SCUBE1: variants seen among roughly 807,000 people sequenced by gnomAD.
The protein encoded by SCUBE1 is signal peptide, CUB domain and EGF like domain containing 1.
Under a neutral mutation model 124.4 loss-of-function variants are expected in SCUBE1, and 59 were observed. The observed-to-expected ratio is 0.47, with a 90% CI of 0.38 to 0.59. The LOEUF (loss-of-function observed/expected upper bound fraction) is 0.59, where lower values mean the gene tolerates loss of function less well. Among genes scored for constraint, SCUBE1 ranks in the 20% least tolerant of loss-of-function variants. The pLI is 0.00. For synonymous variants in SCUBE1, 545 were observed against 550.9 expected (o/e 0.99, Z 0.15); for missense variants, 1,150 against 1,371.2 (o/e 0.84, Z 2.55).
chr22:43,337,300 G>A (rs1044181354), intron 2 of SCUBE1, among the ~76,000 whole-genome samples: 5 of 152,166 alleles, frequency 3.3e-5, no homozygotes, highest in Non-Finnish European at 5.9e-5. Context: ...AAGGCCTCCC[G>A]GGCAGGGGAC....
chr22:43,239,899 G>T (rs1922934491), intron 6 of SCUBE1, among the ~76,000 whole-genome samples: 1 of 152,208 alleles, frequency 6.6e-6, no homozygotes, highest in African/African-American at 2.4e-5. Flanking sequence ...GCCCTGGTGT[G>T]CCTTCTCCCT....
intron 13 of SCUBE1, 147 bp downstream of exon 13, chr22:43,221,026 A>C: frequency 1.6e-6 from 1 of 625,300 alleles, no homozygotes; most frequent in Non-Finnish European, 2.8e-6. Flanking sequence ...TGTCCTTGGA[A>C]ACTCTCATTC....
In SCUBE1 at chr22:43,281,533, C is replaced by CCT. The variant is rs568020364; in HGVS notation, c.484+9512_484+9513insAG. 9.3e-3 allele frequency among the ~76,000 whole-genome samples: 592 copies of CCT among 63,436 alleles called. 46 individuals carry two copies. The East Asian group carries it at 0.23, about 25-fold the overall frequency. The allele number at this position is 63,436 out of a possible 152,430, so 41.6% of individuals were successfully genotyped here. A position where few individuals can be genotyped will look rare whatever the true frequency, so the allele number is the denominator to read the frequency against. On this transcript the variant is annotated intron_variant, in intron 4 of 21. Transcript: ENST00000360835. ...CTCCTCAGCCACCCTCCTGTCACCTCCCTCAGTCACCCTCCTGTCACCTCC... is the reference window on the plus strand; with the variant it reads ...CTCCTCAGCCACCCTCCTGTCACCTCCTCCTCAGTCACCCTCCTGTCACCTCC...
At position 43,198,416 on chromosome 22, in the gene SCUBE1, C is replaced by G. The variant is rs564751053; in HGVS notation, c.*5581G>C. On this transcript the variant is annotated 3_prime_UTR_variant, in exon 22 of 22. Coordinates refer to ENST00000360835, the MANE Select transcript of SCUBE1 (RefSeq NM_173050.5). ...GCTTTGCCCACACCTGATGTCCTTT[C>G]CAAGAGCAAGGCAGGTGGGATCAGG... 5.1e-6 allele frequency: 2 copies of G among 390,780 alleles called. No homozygotes were observed. Among genetic ancestry groups the G allele is most frequent in the Admixed American group, 2.8e-5 (1 of 35,324 alleles). 24.2% of individuals were successfully genotyped at this position (390,780 alleles called of 1,614,324 possible). A position where few individuals can be genotyped will look rare whatever the true frequency, so the allele number is the denominator to read the frequency against.
intron 6 of SCUBE1, 59 bp from the exon 7 acceptor site, chr22:43,239,013 C>T (rs1922889090): frequency 1.5e-6 from 2 of 1,370,640 alleles, no homozygotes; most frequent in Non-Finnish European, 1.0e-6. Flanking sequence ...CTGGCTTTCC[C>T]CTTCCGTGGA....
chr22:43,326,474 C>T (rs1480307283), intron 2 of SCUBE1, among the ~76,000 whole-genome samples: 3 of 152,190 alleles, frequency 2.0e-5, no homozygotes, highest in South Asian at 2.1e-4. Flanking sequence ...CCCCTGTCTC[C>T]GGTGGCTCGG....
At chr22:43,293,706 C>A (rs1343280750) in intron 3 of SCUBE1, among the ~76,000 whole-genome samples, 3 of 152,218 alleles carry the variant, frequency 2.0e-5, no homozygotes, top group Non-Finnish European at 4.4e-5. Context: ...CAGTTCGGAC[C>A]CCTCTCATGT....
chr22:43,336,509 A>C (rs1205724286), intron 2 of SCUBE1, among the ~76,000 whole-genome samples: 1 of 152,202 alleles, frequency 6.6e-6, no homozygotes, highest in African/African-American at 2.4e-5. Context: ...ACGGCTACAA[A>C]TGTAAAAGAA....
rs1390449431 is a variant in SCUBE1 at position 43,204,102 on chromosome 22, C to T, written c.2862G>A (p.Gln954=). 3.7e-6 allele frequency: 6 copies of T among 1,613,878 alleles called. No homozygotes were observed. The Middle Eastern group carries it at 4.9e-4, about 133-fold the overall frequency. Residue 954 remains glutamine, a synonymous_variant, in exon 22 of 22, where the codon CAG becomes CAA. Coordinates refer to ENST00000360835, the MANE Select transcript of SCUBE1 (RefSeq NM_173050.5). The stretch of plus-strand genomic sequence containing the variant: ...CCTGGGCTGTGTACTTGAAGTAGTT[C>T]TGGGGATGCGCCAGCACGTCGAAGA... The part of the protein sequence containing the change: ...KALFDVLAHP[Q]NYFKYTAQES...
In SCUBE1 at chr22:43,277,103, G is replaced by A. The variant is rs1463028550; in HGVS notation, c.484+13943C>T. Reference sequence around the variant, plus strand: ...ATGAGACAGAGGCAGGGATGCGTAGGTTCCACCTGGGGGATCAGGAGGTGT... The same window carrying A: ...ATGAGACAGAGGCAGGGATGCGTAGATTCCACCTGGGGGATCAGGAGGTGT... On this transcript the variant is annotated intron_variant, in intron 4 of 21. Coordinates refer to ENST00000360835, the MANE Select transcript of SCUBE1 (RefSeq NM_173050.5). 2.6e-5 allele frequency among the ~76,000 whole-genome samples: 4 copies of A among 151,996 alleles called. No homozygotes were observed. The East Asian group carries it at 7.7e-4, about 29-fold the overall frequency.
chr22:43,242,602 C>A lies in SCUBE1; in HGVS notation c.728-3648G>T, dbSNP rs184216531. 7.9e-5 allele frequency among the ~76,000 whole-genome samples: 12 copies of A among 152,356 alleles called. No homozygotes were observed. The South Asian group carries it at 8.3e-4, about 11-fold the overall frequency. On this transcript the variant is annotated intron_variant, in intron 6 of 21. Coordinates refer to ENST00000360835, the MANE Select transcript of SCUBE1 (RefSeq NM_173050.5). ...TTATGGCCTCATGAGGAATCTCCCC[C>A]ACCCTGAAACACACTTGTGGAGGGC...
At chr22:43,320,476 C>A (rs546834391) in intron 2 of SCUBE1, among the ~76,000 whole-genome samples, 27 of 152,348 alleles carry the variant, frequency 1.8e-4, no homozygotes, top group African/African-American at 6.3e-4. Context: ...AGCTTCCTTG[C>A]TATAACAAAG....
chr22:43,328,395 C>A (rs925296049), intron 2 of SCUBE1, among the ~76,000 whole-genome samples: 4 of 152,188 alleles, frequency 2.6e-5, no homozygotes, highest in African/African-American at 9.7e-5. Context: ...TTCCCCCATC[C>A]CCTTAGGGAA....
At chr22:43,266,412 C>A (rs5996301) in intron 4 of SCUBE1, among the ~76,000 whole-genome samples, 30,129 of 152,106 alleles carry the variant, frequency 0.2, 3,979 homozygotes, top group African/African-American at 0.38. Flanking sequence ...CTCATCAGCT[C>A]CTCTGTCAGC....
intron 3 of SCUBE1, among the ~76,000 whole-genome samples, chr22:43,298,686 G>A (rs373212887): frequency 1.1e-4 from 16 of 152,232 alleles, no homozygotes; most frequent in African/African-American, 2.9e-4. Context: ...AGGGGTCTGC[G>A]TGATGCTGCC....
chr22:43,330,954 C>T (rs1021063471), intron 2 of SCUBE1, among the ~76,000 whole-genome samples: 1 of 152,114 alleles, frequency 6.6e-6, no homozygotes, highest in Non-Finnish European at 1.5e-5. Context: ...TCTCTCCCCG[C>T]TGAGCCTCCC....
intron 12 of SCUBE1, 112 bp downstream of exon 12, chr22:43,222,526 C>T (rs542127438): frequency 2.4e-5 from 20 of 819,716 alleles, no homozygotes; most frequent in African/African-American, 1.0e-4. Context: ...GGAGCAGGGC[C>T]GAGAGCAGGA....
At chr22:43,300,572 C>T (rs1301435179) in intron 3 of SCUBE1, among the ~76,000 whole-genome samples, 1 of 152,110 alleles carries the variant, frequency 6.6e-6, no homozygotes, top group African/African-American at 2.4e-5. Flanking sequence ...GGTCCTTTGC[C>T]TATTTTTAAA....
intron 4 of SCUBE1, among the ~76,000 whole-genome samples, chr22:43,272,777 A>C (rs1182493264): frequency 6.6e-6 from 1 of 152,138 alleles, no homozygotes; most frequent in Non-Finnish European, 1.5e-5. Context: ...GCAAGCAAAA[A>C]CCAGAATGGA....
Sources: gnomAD v4.1 joint callset for allele counts (sites outside exome capture counted in the v4.1 genomes callset) on GRCh38, gnomAD v4.1.1 for gene constraint, MANE v1.5 for transcripts, NCBI Gene and HGNC (gene_info 2026-07-23, HGNC 2026-07-21) for gene names.